Variants in PDE3B observed in about 807,000 individuals in gnomAD.
The protein encoded by PDE3B is phosphodiesterase 3B.
A neutral mutation model predicts 116.8 loss-of-function variants in PDE3B; 66 were observed. The ratio of observed to expected loss-of-function variants is 0.56; its 90% CI spans 0.46 to 0.69. The LOEUF (loss-of-function observed/expected upper bound fraction) is 0.69, where lower values mean the gene tolerates loss of function less well. Among genes scored for constraint, PDE3B ranks in the 30% least tolerant of loss-of-function variants. PDE3B has a pLI of 0.00. For missense variants in PDE3B, 1,384 were observed against 1,368.1 expected (o/e 1.01, Z -0.18); for synonymous variants, 595 against 533.6 (o/e 1.12, Z -1.59).
chr11:14,724,500 A>G (rs138184649), intron 1 of PDE3B, among the ~76,000 whole-genome samples: 1 of 152,198 alleles, frequency 6.6e-6, no homozygotes, highest in Non-Finnish European at 1.5e-5. Context: ...CTTGAAGGTC[A>G]TGCTCAAAGG....
At chr11:14,647,369 C>A (rs573063347) in intron 1 of PDE3B, among the ~76,000 whole-genome samples, 1 of 152,064 alleles carries the variant, frequency 6.6e-6, no homozygotes, top group East Asian at 1.9e-4. Context: ...ATCTTAGTAT[C>A]CTGTCAAATT....
chr11:14,848,659 A>G (rs1204638113), intron 12 of PDE3B, among the ~76,000 whole-genome samples: 13 of 152,352 alleles, frequency 8.5e-5, no homozygotes, highest in Non-Finnish European at 1.0e-4. Context: ...CACAAAATCA[A>G]TGTACAGAAA....
At chr11:14,736,124 C>A (rs1289419144) in intron 1 of PDE3B, among the ~76,000 whole-genome samples, 1 of 152,100 alleles carries the variant, frequency 6.6e-6, no homozygotes, top group South Asian at 2.1e-4. Flanking sequence ...GCTGGAGGCC[C>A]TGAAACTGGG....
intron 5 of PDE3B, among the ~76,000 whole-genome samples, chr11:14,811,465 T>G (rs945611625): frequency 1.3e-5 from 2 of 152,170 alleles, no homozygotes; most frequent in African/African-American, 4.8e-5. Context: ...TTGTCAAAGA[T>G]CAGATAGTTG....
At chr11:14,891,483 A>C in the PDE3B span, 14 of 986,806 alleles carry the variant, frequency 1.4e-5, no homozygotes, top group South Asian at 4.6e-5. Flanking sequence ...CCATTCTCAC[A>C]GCAAACGCCT....
chr11:14,798,723 GGT>G (rs1331750802), intron 4 of PDE3B, among the ~76,000 whole-genome samples: 1 of 152,162 alleles, frequency 6.6e-6, no homozygotes, highest in East Asian at 1.9e-4. Flanking sequence ...TTTGTGTAGA[GGT>G]GTTTATAGTA....
chr11:14,708,751 CTA>C (rs1491247536), intron 1 of PDE3B, among the ~76,000 whole-genome samples: 2 of 151,444 alleles, frequency 1.3e-5, no homozygotes, highest in Non-Finnish European at 2.9e-5. Flanking sequence ...GCAACTTACT[CTA>C]AAAAAGTTCA....
chr11:14,650,884 C>G (rs1195969984), intron 1 of PDE3B, among the ~76,000 whole-genome samples: 2 of 151,904 alleles, frequency 1.3e-5, no homozygotes, highest in Non-Finnish European at 2.9e-5. Flanking sequence ...TGAAGCCCCA[C>G]CAGCACCTTG....
chr11:14,886,173 G>C, the PDE3B span: 1 of 476,136 alleles, frequency 2.1e-6, no homozygotes, highest in African/African-American at 1.9e-5. Context: ...TACTGGACTC[G>C]GGAGGCCTGG....
At position 14,869,733 on chromosome 11, in the gene PDE3B, C is replaced by T. The variant is rs1382128079; in HGVS notation, c.*73C>T. On this transcript the variant is annotated 3_prime_UTR_variant, in exon 16 of 16. Transcript: ENST00000282096. ...TGTGCCCAGGGGCAGAAATCATTGC[C>T]TAGTGTTCACCGGCTGACTCTCAAC... is the stretch of plus-strand genomic sequence containing the variant. The T allele has an allele frequency of 1.6e-6, 2 of 1,242,242 alleles. No homozygotes were observed. Among genetic ancestry groups the T allele is most frequent in the Non-Finnish European group, 2.3e-6 (2 of 867,144 alleles). 77.0% of individuals were successfully genotyped at this position (1,242,242 alleles called of 1,614,324 possible).
the PDE3B span, among the ~76,000 whole-genome samples, chr11:14,895,555 A>G: frequency 6.6e-6 from 1 of 151,604 alleles, no homozygotes; most frequent in African/African-American, 2.4e-5. Flanking sequence ...TTTGATTACA[A>G]AATGATGTGT....
intron 1 of PDE3B, among the ~76,000 whole-genome samples, chr11:14,761,890 A>G (rs1387164399): frequency 6.6e-6 from 1 of 152,212 alleles, no homozygotes; most frequent in Non-Finnish European, 1.5e-5. Context: ...GAAAAAGATT[A>G]GTTTCTGAAT....
chr11:14,786,405 A>C, intron 2 of PDE3B, 32 bp from the exon 3 acceptor site: 2 of 1,570,184 alleles, frequency 1.3e-6, no homozygotes, highest in Non-Finnish European at 1.7e-6. Flanking sequence ...CCATGTACAA[A>C]TGAATGAAAA....
At chr11:14,786,062 T>G (rs981754799) in intron 2 of PDE3B, among the ~76,000 whole-genome samples, 1 of 152,082 alleles carries the variant, frequency 6.6e-6, no homozygotes, top group African/African-American at 2.4e-5. Flanking sequence ...GGTTTCAAAT[T>G]CAGGTATGTT....
the PDE3B span, among the ~76,000 whole-genome samples, chr11:14,896,870 ATAG>A: frequency 6.6e-6 from 1 of 152,258 alleles, no homozygotes; most frequent in African/African-American, 2.4e-5. Context: ...GCTTCTGAAA[ATAG>A]TAGATTTGAA....
chr11:14,783,027 A>G (rs1253633957), intron 2 of PDE3B, among the ~76,000 whole-genome samples: 2 of 152,256 alleles, frequency 1.3e-5, no homozygotes, highest in African/African-American at 4.8e-5. Context: ...ATCACTGGCC[A>G]TCAGAGAAAT....
chr11:14,847,044 T>C (rs1453700052), intron 12 of PDE3B, among the ~76,000 whole-genome samples: 5 of 152,228 alleles, frequency 3.3e-5, no homozygotes, highest in African/African-American at 9.6e-5. Context: ...TACATTTTTT[T>C]CAGCACCAGA....
At chr11:14,804,652 A>G (rs999946991) in intron 5 of PDE3B, among the ~76,000 whole-genome samples, 1 of 152,160 alleles carries the variant, frequency 6.6e-6, no homozygotes, top group Non-Finnish European at 1.5e-5. Flanking sequence ...TAACCTATAA[A>G]GCATGTGAAG....
intron 7 of PDE3B, among the ~76,000 whole-genome samples, chr11:14,824,002 T>C (rs1028913504): frequency 2.0e-5 from 3 of 152,142 alleles, no homozygotes; most frequent in Admixed American, 2.0e-4. Flanking sequence ...CTTTGGAGAA[T>C]CTGTGGGGAC....
Sources: allele counts gnomAD v4.1 joint callset (sites outside exome capture counted in the v4.1 genomes callset), GRCh38; gene constraint gnomAD v4.1.1; transcripts MANE v1.5; gene names NCBI Gene and HGNC (gene_info 2026-07-23, HGNC 2026-07-21).